Variants in DOK5 observed in about 807,000 individuals in gnomAD.
DOK5 encodes the protein docking protein 5.
DOK5 carries 27 observed loss-of-function variants against 43.3 expected under a neutral mutation model. The observed-to-expected ratio is 0.62, with a 90% CI of 0.46 to 0.86. DOK5 has a LOEUF of 0.86. DOK5 is among the 40% of genes least tolerant of loss of function. The probability of loss-of-function intolerance (pLI) is 0.00; values close to 1 mark genes in which losing one functional copy is unlikely to be tolerated. For missense variants in DOK5, 373 were observed against 392.9 expected, an observed-to-expected ratio of 0.95 and a Z score of 0.43; for synonymous variants, 146 against 140.1, an observed-to-expected ratio of 1.04 and a Z score of -0.30.
chr20:54,478,738 T>C (rs992648128), intron 1 of DOK5, among the ~76,000 whole-genome samples: 2 of 152,236 alleles, frequency 1.3e-5, no homozygotes, highest in Admixed American at 6.5e-5. Flanking sequence ...TTTCCTAGTC[T>C]GTACAATGAA....
At chr20:54,484,379 C>CAAAAAAAA (rs879561560) in intron 1 of DOK5, among the ~76,000 whole-genome samples, 1 of 136,596 alleles carries the variant, frequency 7.3e-6, no homozygotes, top group African/African-American at 2.7e-5. Context: ...GACTTCATCT[C>CAAAAAAAA]AAAAAAAAAA....
intron 1 of DOK5, among the ~76,000 whole-genome samples, chr20:54,481,587 G>C (rs1174401265): frequency 6.6e-6 from 1 of 152,092 alleles, no homozygotes; most frequent in Non-Finnish European, 1.5e-5. Context: ...TACTGCCAAG[G>C]ACATGTGAAG....
intron 1 of DOK5, among the ~76,000 whole-genome samples, chr20:54,478,967 T>A (rs1981551969): frequency 6.6e-6 from 1 of 152,204 alleles, no homozygotes; most frequent in Non-Finnish European, 1.5e-5. Flanking sequence ...ATGAAACTTT[T>A]ACAAATTATA....
At chr20:54,546,756 A>G (rs928783846) in intron 1 of DOK5, among the ~76,000 whole-genome samples, 3 of 152,208 alleles carry the variant, frequency 2.0e-5, no homozygotes, top group Non-Finnish European at 2.9e-5. Flanking sequence ...AACTATAGAA[A>G]CCTAACTGCA....
intron 1 of DOK5, among the ~76,000 whole-genome samples, chr20:54,482,032 G>T (rs1424090970): frequency 1.3e-5 from 2 of 152,130 alleles, no homozygotes; most frequent in Non-Finnish European, 1.5e-5. Context: ...TATCCTCAAA[G>T]AACTTGTTTT....
chr20:54,550,808 C>T lies in DOK5; in HGVS notation c.67-4125C>T, dbSNP rs139484818. 1.9e-3 allele frequency among the ~76,000 whole-genome samples: 292 copies of T among 152,206 alleles called. 1 individual carries two copies. Among genetic ancestry groups the T allele is most frequent in the African/African-American group, 6.6e-3 (273 of 41,536 alleles). ...AATCATTCACCCACAGAAGGATTTC[C>T]ACATTATGAGGCTTCCAGGTTTCGG... On this transcript the variant is annotated intron_variant, in intron 1 of 7. Transcript: ENST00000262593.
chr20:54,520,227 A>G (rs1275098926), intron 1 of DOK5, among the ~76,000 whole-genome samples: 1 of 151,930 alleles, frequency 6.6e-6, no homozygotes, highest in Non-Finnish European at 1.5e-5. Context: ...ACCTTAAGTC[A>G]CTCTTGAGTT....
chr20:54,566,114 C>T (rs1308452182), intron 2 of DOK5, among the ~76,000 whole-genome samples: 1 of 151,516 alleles, frequency 6.6e-6, no homozygotes, highest in Non-Finnish European at 1.5e-5. Context: ...CCCCACCACC[C>T]CAGCAGGCAC....
chr20:54,646,254 T>TTG (rs1979418653), intron 7 of DOK5, among the ~76,000 whole-genome samples: 1 of 135,860 alleles, frequency 7.4e-6, no homozygotes, highest in African/African-American at 2.8e-5. Context: ...TACTGTTTTT[T>TTG]TTTTTTTTTT....
intron 5 of DOK5, among the ~76,000 whole-genome samples, chr20:54,606,302 A>G (rs140655087): frequency 5.9e-5 from 9 of 152,318 alleles, no homozygotes; most frequent in African/African-American, 2.2e-4. Flanking sequence ...CTGGGTTTCC[A>G]ATCCACTGGT....
chr20:54,529,346 A>G (rs945106756), intron 1 of DOK5, among the ~76,000 whole-genome samples: 4 of 152,192 alleles, frequency 2.6e-5, no homozygotes, highest in Non-Finnish European at 4.4e-5. Context: ...TACTACTACT[A>G]ATAATAGTTC....
intron 1 of DOK5, among the ~76,000 whole-genome samples, chr20:54,514,954 A>G (rs555559400): frequency 6.6e-6 from 1 of 151,474 alleles, no homozygotes; most frequent in South Asian, 2.1e-4. Flanking sequence ...TTTTTTAAAG[A>G]AAATAAATAA....
intron 5 of DOK5, among the ~76,000 whole-genome samples, chr20:54,601,315 G>T (rs892279047): frequency 1.3e-5 from 2 of 152,198 alleles, no homozygotes; most frequent in African/African-American, 4.8e-5. Flanking sequence ...TAAAAGCACT[G>T]CTAATTCCAA....
At chr20:54,579,584 C>T (rs890710533) in intron 2 of DOK5, among the ~76,000 whole-genome samples, 4 of 152,042 alleles carry the variant, frequency 2.6e-5, no homozygotes, top group Admixed American at 1.3e-4. Flanking sequence ...TCCCTGGAAA[C>T]CACCATCCTA....
At chr20:54,494,077 C>T (rs1163165402) in intron 1 of DOK5, among the ~76,000 whole-genome samples, 1 of 152,192 alleles carries the variant, frequency 6.6e-6, no homozygotes, top group Non-Finnish European at 1.5e-5. Context: ...TGATTTTAGC[C>T]TCACTAGCCT....
chr20:54,643,454 G>A lies in DOK5; in HGVS notation c.736-4G>A, dbSNP rs1979220915. On this transcript the variant is annotated splice_region_variant and splice_polypyrimidine_tract_variant and intron_variant, in intron 6 of 7. Transcript: ENST00000262593. ...ACGCACAACTTTCTTCCCTTTGGCT[G>A]CAGCTCCAGATGAAGATGAGTGAGC... 6.2e-7 allele frequency: 1 copy of A among 1,613,230 alleles called. No homozygotes were observed. The highest frequency in any genetic ancestry group is 8.5e-7 in the Non-Finnish European group (1 of 1,179,940).
At chr20:54,591,349 T>A (rs1415957214) in intron 4 of DOK5, among the ~76,000 whole-genome samples, 2 of 152,252 alleles carry the variant, frequency 1.3e-5, no homozygotes, top group Non-Finnish European at 2.9e-5. Context: ...TATGCAAATT[T>A]AAAAATTCTA....
intron 6 of DOK5, among the ~76,000 whole-genome samples, chr20:54,639,239 C>A (rs2146825983): frequency 1.3e-5 from 2 of 152,344 alleles, no homozygotes; most frequent in East Asian, 3.9e-4. Context: ...CCAGCCTTTG[C>A]AGTCTTGCTC....
At chr20:54,631,174 T>C (rs1978549806) in intron 6 of DOK5, among the ~76,000 whole-genome samples, 1 of 152,140 alleles carries the variant, frequency 6.6e-6, no homozygotes, top group South Asian at 2.1e-4. Context: ...GCTATCCAAT[T>C]TGTGTTAAAT....
Sources: allele counts gnomAD v4.1 joint callset (sites outside exome capture counted in the v4.1 genomes callset), GRCh38; gene constraint gnomAD v4.1.1; transcripts MANE v1.5; gene names NCBI Gene and HGNC (gene_info 2026-07-23, HGNC 2026-07-21).